The following SOX6 variants were observed in gnomAD, a reference collection of about 807,000 sequenced individuals.
The protein encoded by SOX6 is transcription factor SOX-6.
A neutral mutation model predicts 97.8 loss-of-function variants in SOX6; 11 were observed. That is an observed-to-expected ratio of 0.11 (90% confidence interval 0.07 to 0.19). The LOEUF is 0.19. Among genes scored for constraint, SOX6 ranks in the 10% least tolerant of loss-of-function variants. The pLI is 1.00. For synonymous variants in SOX6, 360 were observed against 371.4 expected (o/e 0.97, Z 0.35); for missense variants, 810 against 1,039.5 (o/e 0.78, Z 3.04).
chr11:16,490,268 G>A (rs1215244061), intron 4 of SOX6, among the ~76,000 whole-genome samples: 1 of 151,994 alleles, frequency 6.6e-6, no homozygotes, highest in African/African-American at 2.4e-5. Context: ...CAGGTAGTGT[G>A]CCAGATTGGG....
chr11:16,540,181 A>G (rs1180201649), intron 4 of SOX6, among the ~76,000 whole-genome samples: 1 of 152,224 alleles, frequency 6.6e-6, no homozygotes, highest in Non-Finnish European at 1.5e-5. Context: ...CAAATCAATA[A>G]ACATAATCCA....
chr11:16,418,147 C>G (rs1281536397), intron 1 of SOX6, among the ~76,000 whole-genome samples: 2 of 152,112 alleles, frequency 1.3e-5, no homozygotes, highest in East Asian at 3.8e-4. Flanking sequence ...GTACTATATC[C>G]TGATAAAACT....
At chr11:16,635,698 G>A (rs1235120271) in intron 3 of SOX6, among the ~76,000 whole-genome samples, 1 of 152,154 alleles carries the variant, frequency 6.6e-6, no homozygotes, top group Admixed American at 6.5e-5. Context: ...AGGCCCAGAA[G>A]CCTAGGAGGG....
rs550548541 is a variant in SOX6 at position 16,664,522 on chromosome 11, AC to A, written n.429+50307del. 5.9e-5 allele frequency among the ~76,000 whole-genome samples: 9 copies of A among 152,292 alleles called. No homozygotes were observed. The East Asian group carries it at 1.7e-3, about 29-fold the overall frequency. On this transcript the variant is annotated intron_variant and non_coding_transcript_variant, in intron 3 of 5. Coordinates refer to the SOX6 transcript ENST00000524520. ...GACCAGAACTAGCCAGAAGAGAATTACCCATCCCAGCAGTCAGAATCTGAGT... is the reference window on the plus strand; with the variant it reads ...GACCAGAACTAGCCAGAAGAGAATTACCATCCCAGCAGTCAGAATCTGAGT...
intron 4 of SOX6, among the ~76,000 whole-genome samples, chr11:16,543,027 C>G (rs1406864614): frequency 6.6e-6 from 1 of 151,966 alleles, no homozygotes; most frequent in Non-Finnish European, 1.5e-5. Context: ...CACACACACA[C>G]AAACACACAC....
intron 1 of SOX6, among the ~76,000 whole-genome samples, chr11:16,456,783 C>T (rs551406417): frequency 3.3e-5 from 5 of 152,102 alleles, no homozygotes; most frequent in South Asian, 4.1e-4. Context: ...GTTATTTAAC[C>T]GAAGGAGTCC....
At chr11:16,406,313 C>T (rs1342058839) in intron 1 of SOX6, among the ~76,000 whole-genome samples, 1 of 152,072 alleles carries the variant, frequency 6.6e-6, no homozygotes, top group African/African-American at 2.4e-5. Flanking sequence ...TATACAGCCA[C>T]AAGAATGCTA....
intron 6 of SOX6, among the ~76,000 whole-genome samples, chr11:16,183,384 T>A (rs187774502): frequency 5.8e-4 from 89 of 152,166 alleles, no homozygotes; most frequent in Non-Finnish European, 5.0e-4. Context: ...AGACAAACTA[T>A]CACTCATTAA....
chr11:16,228,013 C>T (rs1852733917), intron 4 of SOX6, among the ~76,000 whole-genome samples: 2 of 152,114 alleles, frequency 1.3e-5, no homozygotes, highest in African/African-American at 4.8e-5. Flanking sequence ...GTCTCACCAA[C>T]ATGGTGAAAC....
At chr11:16,287,255 CTG>C (rs1854774268) in intron 3 of SOX6, among the ~76,000 whole-genome samples, 6 of 29,690 alleles carry the variant, frequency 2.0e-4, no homozygotes, top group African/African-American at 5.2e-4. Context: ...TCTCTTCTCT[CTG>C]TCTCTCTCTC....
At chr11:16,699,054 C>A (rs1323085088) in intron 3 of SOX6, among the ~76,000 whole-genome samples, 1 of 152,108 alleles carries the variant, frequency 6.6e-6, no homozygotes, top group Non-Finnish European at 1.5e-5. Flanking sequence ...CTTCAATTTG[C>A]AAAAGATGCA....
intron 2 of SOX6, among the ~76,000 whole-genome samples, chr11:16,730,687 T>C (rs1848342809): frequency 6.6e-6 from 1 of 151,812 alleles, no homozygotes; most frequent in Non-Finnish European, 1.5e-5. Flanking sequence ...TTAAAAGAAC[T>C]AGAGAAGCAA....
chr11:16,236,513 G>GA (rs934645094), intron 3 of SOX6, among the ~76,000 whole-genome samples: 1 of 151,288 alleles, frequency 6.6e-6, no homozygotes, highest in Non-Finnish European at 1.5e-5. Flanking sequence ...ACCCAATTCT[G>GA]TTTTTTTTAG....
chr11:16,142,597 A>T (rs1240903460), intron 6 of SOX6, among the ~76,000 whole-genome samples: 4 of 152,076 alleles, frequency 2.6e-5, no homozygotes, highest in Non-Finnish European at 5.9e-5. Flanking sequence ...GAAGCTAAAA[A>T]CCTTGAAAAA....
At chr11:16,204,721 T>C (rs1351300694) in intron 4 of SOX6, among the ~76,000 whole-genome samples, 1 of 152,246 alleles carries the variant, frequency 6.6e-6, no homozygotes, top group African/African-American at 2.4e-5. Context: ...AATTGAATTG[T>C]CTTTTTAAGA....
intron 4 of SOX6, among the ~76,000 whole-genome samples, chr11:16,223,108 T>C (rs979856314): frequency 2.6e-5 from 4 of 152,032 alleles, no homozygotes; most frequent in African/African-American, 9.7e-5. Context: ...ACTACACAAA[T>C]TGATGCACAG....
intron 1 of SOX6, among the ~76,000 whole-genome samples, chr11:16,444,874 C>A (rs547991326): frequency 6.6e-6 from 1 of 152,296 alleles, no homozygotes; most frequent in East Asian, 1.9e-4. Flanking sequence ...AAGTGGGTTA[C>A]AGATTGCTGG....
At chr11:16,207,662 C>T (rs1222518633) in intron 4 of SOX6, among the ~76,000 whole-genome samples, 2 of 151,116 alleles carry the variant, frequency 1.3e-5, no homozygotes, top group Non-Finnish European at 2.9e-5. Flanking sequence ...ATTTTATGTG[C>T]TGTTCTAGAT....
intron 9 of SOX6, among the ~76,000 whole-genome samples, chr11:16,058,962 C>A (rs746550037): frequency 6.6e-6 from 1 of 152,060 alleles, no homozygotes; most frequent in Non-Finnish European, 1.5e-5. Context: ...TACAGTTCCA[C>A]CTTTTACAAC....
Sources: allele counts gnomAD v4.1 joint callset (sites outside exome capture counted in the v4.1 genomes callset), GRCh38; gene constraint gnomAD v4.1.1; transcripts MANE v1.5; gene names NCBI Gene and HGNC (gene_info 2026-07-23, HGNC 2026-07-21).